DLGAP2: variants seen among roughly 807,000 people sequenced by gnomAD.
DLGAP2 encodes disks large-associated protein 2.
Under a neutral mutation model 100.3 loss-of-function variants are expected in DLGAP2, and 26 were observed. That is an observed-to-expected ratio of 0.26 (90% CI 0.19 to 0.36). The LOEUF (loss-of-function observed/expected upper bound fraction) is 0.36, where lower values mean the gene tolerates loss of function less well. Ranked by LOEUF, DLGAP2 falls within the 10% of genes least tolerant of loss-of-function variation. The probability of loss-of-function intolerance (pLI) is 1.00; values close to 1 mark genes in which losing one functional copy is unlikely to be tolerated. For synonymous variants in DLGAP2, 886 were observed against 630.1 expected (o/e 1.41, Z -6.08); for missense variants, 1,858 against 1,453.2 (o/e 1.28, Z -4.53).
chr8:1,610,849 A>C (rs1044765805), intron 6 of DLGAP2, among the ~76,000 whole-genome samples: 1 of 144,286 alleles, frequency 6.9e-6, no homozygotes, highest in Non-Finnish European at 1.5e-5. Context: ...GAAGAAGTTG[A>C]ATCTCTGAAT....
chr8:1,197,171 C>G (rs1011118694), intron 2 of DLGAP2, among the ~76,000 whole-genome samples: 1 of 152,226 alleles, frequency 6.6e-6, no homozygotes, highest in Non-Finnish European at 1.5e-5. Context: ...TCTGGAAACG[C>G]CGTCACAGAC....
rs550287194 is a variant in DLGAP2 at position 1,458,292 on chromosome 8, G to T, written c.107-43074G>T. On this transcript the variant is annotated intron_variant, in intron 3 of 14. Transcript: ENST00000637795. ...AAAATTTTTGAGTTTTTAAAATTCT[G>T]GTCATTGAAGTTAGTTTAGTATTCT... Among the ~76,000 whole-genome samples, 8 of 151,970 alleles carry T rather than the reference G, an allele frequency of 5.3e-5. No individual in the cohort carries two copies. In the South Asian group the frequency reaches 1.2e-3, roughly 24 times the overall value.
intron 3 of DLGAP2, among the ~76,000 whole-genome samples, chr8:1,445,126 TG>T (rs1446693756): frequency 2.7e-5 from 4 of 150,686 alleles, no homozygotes; most frequent in Non-Finnish European, 5.9e-5. Flanking sequence ...TTAGGGTACA[TG>T]TGTACAATGT....
chr8:1,532,716 A>T (rs1423201650), intron 4 of DLGAP2, among the ~76,000 whole-genome samples: 3 of 152,202 alleles, frequency 2.0e-5, no homozygotes, highest in Admixed American at 6.5e-5. Context: ...GTTACTTTTT[A>T]AAATAGGTAG....
chr8:1,047,935 T>G (rs1407850259), intron 2 of DLGAP2, among the ~76,000 whole-genome samples: 1 of 152,220 alleles, frequency 6.6e-6, no homozygotes, highest in Non-Finnish European at 1.5e-5. Flanking sequence ...GATCTATATG[T>G]CTAGCCTAGG....
At chr8:1,199,859 C>T (rs948980671) in intron 2 of DLGAP2, among the ~76,000 whole-genome samples, 8 of 152,120 alleles carry the variant, frequency 5.3e-5, no homozygotes, top group South Asian at 2.1e-4. Context: ...CTGGAATCAT[C>T]GGCTGTGTCA....
intron 4 of DLGAP2, among the ~76,000 whole-genome samples, chr8:1,518,942 A>T (rs1300300193): frequency 6.6e-6 from 1 of 152,120 alleles, no homozygotes; most frequent in East Asian, 1.9e-4. Flanking sequence ...CTAAGATGAG[A>T]CCAACTCTGC....
intron 2 of DLGAP2, among the ~76,000 whole-genome samples, chr8:1,093,495 AGAAACACCTTCACACCAACAGCCAGACC>A (rs1192000721): frequency 8.6e-5 from 13 of 152,046 alleles, no homozygotes; most frequent in Non-Finnish European, 1.9e-4. Flanking sequence ...ACCGACAGCC[AGAAACACCTTCACACCAACAGCCAGACC>A]GAAACACCTT....
chr8:1,200,662 C>T (rs1272600265), intron 2 of DLGAP2, among the ~76,000 whole-genome samples: 1 of 152,206 alleles, frequency 6.6e-6, no homozygotes, highest in Admixed American at 6.5e-5. Flanking sequence ...TTTGACAAAG[C>T]CTCAGGGGAG....
chr8:1,088,309 C>T (rs978309675), intron 2 of DLGAP2, among the ~76,000 whole-genome samples: 15 of 152,100 alleles, frequency 9.9e-5, no homozygotes, highest in African/African-American at 2.7e-4. Flanking sequence ...CTGTCTGTGG[C>T]GGGGAGGTGT....
intron 4 of DLGAP2, among the ~76,000 whole-genome samples, chr8:1,517,849 C>T (rs1354232598): frequency 6.6e-6 from 1 of 152,120 alleles, no homozygotes; most frequent in African/African-American, 2.4e-5. Context: ...ATAGTGTGGC[C>T]CTGGGGGCAG....
chr8:1,504,041 G>A (rs146596264), intron 4 of DLGAP2, among the ~76,000 whole-genome samples: 61 of 152,238 alleles, frequency 4.0e-4, no homozygotes, highest in African/African-American at 1.4e-3. Context: ...GTTCCAGGGA[G>A]GCCTTTTAGC....
At chr8:798,977 T>G (rs1488183088) in intron 1 of DLGAP2, among the ~76,000 whole-genome samples, 1 of 152,212 alleles carries the variant, frequency 6.6e-6, no homozygotes, top group African/African-American at 2.4e-5. Context: ...CTTGGAGTGT[T>G]TTTGTGTGTG....
intron 8 of DLGAP2, among the ~76,000 whole-genome samples, chr8:1,667,479 G>A (rs1798574126): frequency 6.6e-6 from 1 of 152,154 alleles, no homozygotes; most frequent in Non-Finnish European, 1.5e-5. Context: ...CCTTTCCGGT[G>A]GTCTTCCTAC....
intron 1 of DLGAP2, among the ~76,000 whole-genome samples, chr8:851,594 G>A (rs938350434): frequency 6.6e-6 from 1 of 152,176 alleles, no homozygotes; most frequent in Non-Finnish European, 1.5e-5. Flanking sequence ...TAGTTCCTGG[G>A]ATTTGTGGAC....
intron 1 of DLGAP2, among the ~76,000 whole-genome samples, chr8:876,486 C>T (rs1316816215): frequency 2.0e-5 from 3 of 152,160 alleles, no homozygotes; most frequent in African/African-American, 7.2e-5. Context: ...ACTGTTTCTG[C>T]TGAGAAGTCA....
At chr8:1,268,519 C>G (rs1164551377) in intron 3 of DLGAP2, among the ~76,000 whole-genome samples, 2 of 152,168 alleles carry the variant, frequency 1.3e-5, no homozygotes, top group Admixed American at 6.5e-5. Context: ...AAAGCAGGAA[C>G]TTTGTTTTAA....
At chr8:1,691,269 G>C (rs767133159) in intron 12 of DLGAP2, among the ~76,000 whole-genome samples, 1 of 152,144 alleles carries the variant, frequency 6.6e-6, no homozygotes, top group Non-Finnish European at 1.5e-5. Context: ...AACTCCCTGA[G>C]GTATAGGCCG....
At chr8:1,600,621 G>T (rs1282672328) in intron 6 of DLGAP2, among the ~76,000 whole-genome samples, 3 of 152,006 alleles carry the variant, frequency 2.0e-5, no homozygotes, top group Non-Finnish European at 2.9e-5. Context: ...TTTTAATAAG[G>T]TGATGCTTCA....
Sources: allele counts gnomAD v4.1 joint callset (sites outside exome capture counted in the v4.1 genomes callset), GRCh38; gene constraint gnomAD v4.1.1; transcripts MANE v1.5; gene names NCBI Gene and HGNC (gene_info 2026-07-23, HGNC 2026-07-21).